The following SGSM2 variants were observed in gnomAD, a reference collection of about 807,000 sequenced individuals.
The protein encoded by SGSM2 is RUN and TBC1 domain containing 1.
SGSM2 carries 89 observed loss-of-function variants against 126.6 expected under a neutral mutation model. The ratio of observed to expected loss-of-function variants is 0.70; its 90% CI spans 0.59 to 0.84. SGSM2 has a LOEUF of 0.84. Among genes scored for constraint, SGSM2 ranks in the 40% least tolerant of loss-of-function variants. The pLI is 0.00. For synonymous variants in SGSM2, 614 were observed against 574.3 expected (o/e 1.07, Z -0.99); for missense variants, 1,404 against 1,416.6 (o/e 0.99, Z 0.14).
chr17:2,372,184 C>T lies in SGSM2; in HGVS notation c.1578-6C>T, dbSNP rs1206539358. 6.2e-7 allele frequency: 1 copy of T among 1,613,262 alleles called. No homozygotes were observed. On this transcript the variant is annotated splice_region_variant and splice_polypyrimidine_tract_variant and intron_variant, in intron 13 of 23. Transcript: ENST00000268989. The surrounding 1 kb of genome is among the most constrained non-coding windows in gnomAD (Gnocchi z 6.0). Reference sequence around the variant, plus strand: ...CCCTCCCTGCTGAGCCCGGTTGTTGCCACAGGTTGCCGCTCAGGCTACTGT... The same window carrying T: ...CCCTCCCTGCTGAGCCCGGTTGTTGTCACAGGTTGCCGCTCAGGCTACTGT...
rs1424014480 is a variant in SGSM2, at chr17:2,379,884, C to T, written c.*364C>T. On this transcript the variant is annotated 3_prime_UTR_variant, in exon 24 of 24. Transcript: ENST00000268989. The stretch of plus-strand genomic sequence containing the variant: ...CCCACAGGATTAACAGGGGCTATAG[C>T]GGCCTGGGCCCTACTCAGCTGGGGT... 6.9e-6 allele frequency: 9 copies of T among 1,296,518 alleles called. No homozygotes were observed. The highest frequency in any genetic ancestry group is 3.1e-5 in the East Asian group (1 of 32,378). The allele number at this position is 1,296,518 out of a possible 1,614,324, so 80.3% of individuals were successfully genotyped here. A position where few individuals can be genotyped will look rare whatever the true frequency, so the allele number is the denominator to read the frequency against.
chr17:2,342,815 A>G (rs545722967), intron 1 of SGSM2, among the ~76,000 whole-genome samples: 266 of 152,212 alleles, frequency 1.7e-3, no homozygotes, highest in Middle Eastern at 3.4e-3. Context: ...CATCGTTACT[A>G]AAAATACAAA....
chr17:2,376,180 A>G lies in SGSM2; in HGVS notation c.2528A>G (p.Asp843Gly), dbSNP rs542960218. The change falls in exon 19 of 24, where the codon GAC becomes GGC. Residue 843 changes from aspartate to glycine, a missense_variant. By Grantham distance (94) the Asp-to-Gly change is moderately conservative (BLOSUM62 -1). Coordinates refer to ENST00000268989, the MANE Select transcript of SGSM2 (RefSeq NM_014853.3). ...GTGGCCTTAAACCTGCACCGCATAG[A>G]CAAGGATGTGCAGAGGTGTGACCGC... ...DTVALNLHRI[D>G]KDVQRCDRNY... is the part of the protein sequence containing the mutation. 6 of 1,614,098 alleles carry G rather than the reference A, an allele frequency of 3.7e-6. No individual in the cohort carries two copies. In the South Asian group the frequency reaches 6.6e-5, roughly 18 times the overall value.
intron 17 of SGSM2, chr17:2,374,315 GC>G (rs1219284639): frequency 6.6e-6 from 1 of 152,220 alleles, no homozygotes; most frequent in Non-Finnish European, 1.5e-5. Flanking sequence ...GATGGCTCAT[GC>G]CTGTAATTCC....
intron 2 of SGSM2, among the ~76,000 whole-genome samples, chr17:2,347,950 C>CA (rs1449347686): frequency 2.6e-5 from 4 of 152,174 alleles, no homozygotes; most frequent in African/African-American, 7.2e-5. Flanking sequence ...TTGGGGCAGA[C>CA]ACCAGCCTGC....
rs2065848593 is a variant in SGSM2 at position 2,371,113 on chromosome 17, G to A, written c.1424-149G>A. 5 of 856,816 alleles carry A rather than the reference G, an allele frequency of 5.8e-6. No individual in the cohort carries two copies. In the South Asian group the frequency reaches 9.3e-5, roughly 16 times the overall value. 53.1% of individuals were successfully genotyped at this position (856,816 alleles called of 1,614,324 possible). The stretch of plus-strand genomic sequence containing the variant: ...TCTCTCCCTACCGTTTCCATCTCTG[G>A]GCTCTGGACCAGGCAGGCCCCACCT... On this transcript the variant is annotated intron_variant, in intron 12 of 23. Transcript: ENST00000268989.
rs762847331 is a variant in SGSM2 at position 2,373,076 on chromosome 17, G to A, written c.1912G>A (p.Glu638Lys). The A allele has an allele frequency of 3.7e-6, 6 of 1,608,664 alleles. No homozygotes were observed. The South Asian group carries it at 5.5e-5, about 15-fold the overall frequency. ...GTTCGGCATGAGCAAGAAGGAGATGGAGCAGGTGAGGGGAGCCTGTTCCCA... is the reference window on the plus strand; with the variant it reads ...GTTCGGCATGAGCAAGAAGGAGATGAAGCAGGTGAGGGGAGCCTGTTCCCA... The part of the protein sequence containing the change: ...YKFGMSKKEM[E>K]QVDAVVAARY... The change falls in exon 16 of 24, where the codon GAG becomes AAG. Residue 638 changes from glutamate (E) to lysine (K), a missense_variant. Physicochemically the swap from Glu to Lys is moderately conservative, Grantham distance 56 (BLOSUM62 1). Transcript: ENST00000268989.
Position 2,365,065 on chromosome 17 carries a change from G to A in SGSM2, c.1161+8G>A, listed in dbSNP as rs750476328. 42 of 1,610,820 alleles carry A rather than the reference G, an allele frequency of 2.6e-5. No homozygotes were observed. Among genetic ancestry groups the A allele is most frequent in the South Asian group, 1.1e-4 (10 of 91,058 alleles). On this transcript the variant is annotated splice_region_variant and intron_variant, in intron 10 of 23. Transcript: ENST00000268989. ...TGGACCCAGCAAGGGAAGGTAACTC[G>A]GGTGGGAGGCTTTAGGGGAAGGGCT...
chr17:2,373,590 G>T, intron 17 of SGSM2, 77 bp downstream of exon 17: 5 of 1,355,702 alleles, frequency 3.7e-6, no homozygotes, highest in Non-Finnish European at 4.0e-6. Flanking sequence ...CTGAGCACCA[G>T]CCTGACCTCT....
At chr17:2,354,784 C>T (rs752972590) in intron 2 of SGSM2, among the ~76,000 whole-genome samples, 1 of 152,254 alleles carries the variant, frequency 6.6e-6, no homozygotes, top group Non-Finnish European at 1.5e-5. Flanking sequence ...GTCTTCCTGG[C>T]GTCTCCTCTA....
In SGSM2 at chr17:2,380,699, T is replaced by C; in HGVS notation, c.*1179T>C. ...TACCCCAACACATGCAGGCTAGGCCTTGCCCTGGAACATGGAGGCCCTGCC... is the reference window on the plus strand; with the variant it reads ...TACCCCAACACATGCAGGCTAGGCCCTGCCCTGGAACATGGAGGCCCTGCC... On this transcript the variant is annotated 3_prime_UTR_variant, in exon 24 of 24. Transcript: ENST00000268989. 7.2e-6 allele frequency: 2 copies of C among 277,914 alleles called. No homozygotes were observed. Among genetic ancestry groups the C allele is most frequent in the East Asian group, 9.8e-5 (1 of 10,162 alleles). The allele number at this position is 277,914 out of a possible 1,614,324, so 17.2% of individuals were successfully genotyped here.
Position 2,372,198 on chromosome 17 carries a change from T to C in SGSM2, c.1586T>C (p.Leu529Pro), listed in dbSNP as rs771690484. The C allele has an allele frequency of 9.1e-5, 146 of 1,613,184 alleles. 3 individuals carry two copies. The highest frequency in any genetic ancestry group is 1.7e-6 in the Non-Finnish European group (2 of 1,179,804). ...HCSCIPDRLP[L>P]RLLCESMKRQ... is the part of the protein sequence containing the mutation. ...CCCGGTTGTTGCCACAGGTTGCCGCTCAGGCTACTGTGTGAGAGTATGAAG... is the reference window on the plus strand; with the variant it reads ...CCCGGTTGTTGCCACAGGTTGCCGCCCAGGCTACTGTGTGAGAGTATGAAG... The change falls in exon 14 of 24, where the codon CTC (leucine) becomes CCC (proline). Residue 529 changes from leucine (L) to proline (P), a missense_variant. Coordinates refer to ENST00000268989, the MANE Select transcript of SGSM2 (RefSeq NM_014853.3). The surrounding 1 kb of genome is among the most constrained non-coding windows in gnomAD (Gnocchi z 6.0).
rs565581790 is a variant in SGSM2, at chr17:2,340,788, G to A, written c.58-2757G>A. On this transcript the variant is annotated intron_variant, in intron 1 of 23. Coordinates refer to ENST00000268989, the MANE Select transcript of SGSM2 (RefSeq NM_014853.3). ...TTTAGTAGAGACGGGGTTTCACCAT[G>A]TTAGCCAGGATGGTCTCGATCTCCT... 4.0e-4 allele frequency among the ~76,000 whole-genome samples: 61 copies of A among 151,960 alleles called. No individual in the cohort carries two copies. The South Asian group carries it at 0.011, about 28-fold the overall frequency.
chr17:2,362,041 C>G lies in SGSM2; in HGVS notation c.297-68C>G. On this transcript the variant is annotated intron_variant, in intron 3 of 23. Coordinates refer to ENST00000268989, the MANE Select transcript of SGSM2 (RefSeq NM_014853.3). This position sits in a 1 kb window ranked among gnomAD's most constrained non-coding sequence, Gnocchi z 4.9. Reference sequence around the variant, plus strand: ...CCATCTTGGGGTACCAAGCCCCACTCCCAATGCCAGCATTCTGGGGTTTAC... The same window carrying G: ...CCATCTTGGGGTACCAAGCCCCACTGCCAATGCCAGCATTCTGGGGTTTAC... 1 of 1,541,040 alleles carries G rather than the reference C, an allele frequency of 6.5e-7. No individual in the cohort carries two copies. The highest frequency in any genetic ancestry group is 1.2e-5 in the South Asian group (1 of 81,430).
Position 2,375,640 on chromosome 17 carries a change from C to A in SGSM2, c.2249C>A (p.Ser750Ter). 1 of 1,614,016 alleles carries A rather than the reference C, an allele frequency of 6.2e-7. No individual in the cohort carries two copies. Among genetic ancestry groups the A allele is most frequent in the African/African-American group, 1.3e-5 (1 of 75,048 alleles). ...TCCGTGGAGTTCGACTCTCCAGACT[C>A]AGGACTGCCCTCCTCTCGCAATTAC... The part of the protein sequence containing the change: ...QHSVEFDSPD[S>*]GLPSSRNYSV... The change falls in exon 18 of 24, where the codon TCA becomes TAA. Residue 750 changes from serine to a stop codon, truncating the protein, a stop_gained. Coordinates refer to ENST00000268989, the MANE Select transcript of SGSM2 (RefSeq NM_014853.3). LOFTEE classifies it high-confidence loss of function.
At chr17:2,338,241 G>A (rs2151452084) in intron 1 of SGSM2, among the ~76,000 whole-genome samples, 1 of 152,324 alleles carries the variant, frequency 6.6e-6, no homozygotes, top group Admixed American at 6.5e-5. Flanking sequence ...ATCGCTGCCG[G>A]AGGGGTGCGC....
At position 2,337,798 on chromosome 17, in the gene SGSM2, A is replaced by AG. The variant is rs1567790815; in HGVS notation, c.57+58dup. 2.9e-6 allele frequency: 4 copies of AG among 1,402,608 alleles called. No individual in the cohort carries two copies. Among genetic ancestry groups the AG allele is most frequent in the African/African-American group, 1.5e-5 (1 of 66,338 alleles). 86.9% of individuals were successfully genotyped at this position (1,402,608 alleles called of 1,614,324 possible). A position where few individuals can be genotyped will look rare whatever the true frequency, so the allele number is the denominator to read the frequency against. ...GCTCGCGCCCTGGCCCGCGCGGCCC[A>AG]GGGGGCAGAAAGGTCCGCGCCCACC... On this transcript the variant is annotated intron_variant, in intron 1 of 23. Transcript: ENST00000268989. The surrounding 1 kb of genome is among the most constrained non-coding windows in gnomAD (Gnocchi z 5.1).
chr17:2,351,688 G>T (rs116435190), intron 2 of SGSM2, among the ~76,000 whole-genome samples: 21 of 152,288 alleles, frequency 1.4e-4, no homozygotes, highest in African/African-American at 4.8e-4. Context: ...CTCCTGAGTA[G>T]CTGGGTCTGC....
At chr17:2,370,681 G>GGGGCACTGCTCATCCGT (rs1203573999) in intron 12 of SGSM2, among the ~76,000 whole-genome samples, 2 of 152,332 alleles carry the variant, frequency 1.3e-5, no homozygotes, top group African/African-American at 4.8e-5. Context: ...GCCTGGGCAC[G>GGGGCACTGCTCATCCGT]GGGCACTGCT....
Sources: gnomAD v4.1 joint callset for allele counts (sites outside exome capture counted in the v4.1 genomes callset) on GRCh38, gnomAD v4.1.1 for gene constraint, Gnocchi (gnomAD v3.1) non-coding constraint, MANE v1.5 for transcripts, NCBI Gene and HGNC (gene_info 2026-07-23, HGNC 2026-07-21) for gene names.